The following TFAP2D variants were observed in gnomAD, a reference collection of about 807,000 sequenced individuals.
TFAP2D encodes the protein transcription factor AP-2-delta.
TFAP2D carries 9 observed loss-of-function variants against 43.6 expected under a neutral mutation model. The observed-to-expected ratio is 0.21, with a 90% CI of 0.12 to 0.36. TFAP2D has a LOEUF of 0.36. Among genes scored for constraint, TFAP2D ranks in the 10% least tolerant of loss-of-function variants. TFAP2D has a pLI of 1.00. For synonymous variants in TFAP2D, 256 were observed against 224.9 expected (o/e 1.14, Z -1.24); for missense variants, 513 against 561.4 (o/e 0.91, Z 0.87).
At chr6:50,761,544 G>C (rs1434330275) in intron 7 of TFAP2D, among the ~76,000 whole-genome samples, 1 of 152,028 alleles carries the variant, frequency 6.6e-6, no homozygotes, top group Non-Finnish European at 1.5e-5. Flanking sequence ...TTAGTAGGTA[G>C]AAAGGTGCTG....
At chr6:50,765,291 C>T (rs756291315) in intron 7 of TFAP2D, among the ~76,000 whole-genome samples, 2 of 152,158 alleles carry the variant, frequency 1.3e-5, no homozygotes, top group Non-Finnish European at 2.9e-5. Flanking sequence ...ATTTTATATA[C>T]ATCTTGACTA....
intron 7 of TFAP2D, among the ~76,000 whole-genome samples, chr6:50,755,601 T>A (rs957633805): frequency 6.6e-6 from 1 of 151,972 alleles, no homozygotes; most frequent in Non-Finnish European, 1.5e-5. Context: ...CTATAAGCTT[T>A]TTTTCCCCCT....
At chr6:50,741,535 G>T (rs1413455075) in intron 5 of TFAP2D, among the ~76,000 whole-genome samples, 3 of 152,076 alleles carry the variant, frequency 2.0e-5, no homozygotes, top group Non-Finnish European at 4.4e-5. Context: ...AGGACATGTG[G>T]TATTTGATTT....
chr6:50,722,774 G>A (rs955014018), intron 3 of TFAP2D, among the ~76,000 whole-genome samples: 9 of 151,786 alleles, frequency 5.9e-5, no homozygotes, highest in Admixed American at 5.2e-4. Context: ...TGACATTTTG[G>A]CCCTGGTCTG....
At position 50,771,936 on chromosome 6, in the gene TFAP2D, T is replaced by C. The variant is rs552054469; in HGVS notation, c.1140-709T>C. Among the ~76,000 whole-genome samples the C allele has an allele frequency of 2.0e-5, 3 of 152,258 alleles. No homozygotes were observed. In the East Asian group the frequency reaches 5.8e-4, roughly 29 times the overall value. On this transcript the variant is annotated intron_variant, in intron 7 of 7. Coordinates refer to ENST00000008391, the MANE Select transcript of TFAP2D (RefSeq NM_172238.4). ...TAAATCATGCTGCTATAACGACACA[T>C]GCACACGTATGTTTATTGCGGCACT... is the stretch of plus-strand genomic sequence containing the variant.
chr6:50,721,747 A>G (rs927566311), intron 3 of TFAP2D, among the ~76,000 whole-genome samples: 2 of 152,130 alleles, frequency 1.3e-5, no homozygotes, highest in East Asian at 3.9e-4. Flanking sequence ...TTGACCCACC[A>G]CATGAAACAT....
chr6:50,759,211 T>C (rs1295876980), intron 7 of TFAP2D, among the ~76,000 whole-genome samples: 1 of 152,128 alleles, frequency 6.6e-6, no homozygotes, highest in Non-Finnish European at 1.5e-5. Flanking sequence ...TGTTGAGCTA[T>C]TGACTGGAGA....
intron 6 of TFAP2D, among the ~76,000 whole-genome samples, chr6:50,746,958 G>T (rs1365416902): frequency 6.6e-6 from 1 of 152,128 alleles, no homozygotes; most frequent in Non-Finnish European, 1.5e-5. Flanking sequence ...AAGATTAAGA[G>T]GAAGGGAATA....
At chr6:50,752,107 T>G (rs1302542908) in intron 7 of TFAP2D, among the ~76,000 whole-genome samples, 1 of 152,050 alleles carries the variant, frequency 6.6e-6, no homozygotes, top group South Asian at 2.1e-4. Context: ...AATTAGAAAC[T>G]GCAAATGGTT....
chr6:50,719,179 C>G, intron 3 of TFAP2D, 29 bp downstream of exon 3: 1 of 1,603,560 alleles, frequency 6.2e-7, no homozygotes, highest in Non-Finnish European at 8.5e-7. Context: ...CATGTTAACC[C>G]TAGACATTCT....
intron 5 of TFAP2D, among the ~76,000 whole-genome samples, chr6:50,735,581 T>G (rs1019048106): frequency 3.3e-5 from 5 of 152,168 alleles, no homozygotes; most frequent in African/African-American, 1.2e-4. Flanking sequence ...TAATTATCAA[T>G]AGTATCCATT....
intron 7 of TFAP2D, among the ~76,000 whole-genome samples, chr6:50,770,296 T>C (rs1443073753): frequency 6.6e-6 from 1 of 152,234 alleles, no homozygotes; most frequent in East Asian, 1.9e-4. Context: ...TGCAAGACCT[T>C]GTAGCAGAGG....
At chr6:50,766,237 C>A (rs1016090023) in intron 7 of TFAP2D, among the ~76,000 whole-genome samples, 5 of 152,058 alleles carry the variant, frequency 3.3e-5, no homozygotes, top group Non-Finnish European at 7.4e-5. Context: ...TGTTTTTATG[C>A]CAGTACTATA....
intron 7 of TFAP2D, among the ~76,000 whole-genome samples, chr6:50,752,156 G>A (rs542986888): frequency 6.6e-6 from 1 of 151,766 alleles, no homozygotes; most frequent in South Asian, 2.1e-4. Flanking sequence ...ATGTATTATT[G>A]GAGTCATATG....
chr6:50,733,616 C>A (rs2114041243), intron 5 of TFAP2D, among the ~76,000 whole-genome samples: 1 of 152,192 alleles, frequency 6.6e-6, no homozygotes, highest in East Asian at 1.9e-4. Flanking sequence ...GTTTATTATT[C>A]TTGAATTGGC....
intron 7 of TFAP2D, among the ~76,000 whole-genome samples, chr6:50,764,038 C>T (rs1041789653): frequency 4.6e-5 from 7 of 152,108 alleles, no homozygotes; most frequent in African/African-American, 1.7e-4. Context: ...ATGTGTTAGA[C>T]TAATTAAATA....
chr6:50,732,063 G>A (rs553500069), intron 5 of TFAP2D, among the ~76,000 whole-genome samples: 14 of 152,036 alleles, frequency 9.2e-5, no homozygotes, highest in African/African-American at 2.7e-4. Flanking sequence ...TGGATTGACC[G>A]TGTTTTTGAG....
At chr6:50,752,131 A>G (rs181870548) in intron 7 of TFAP2D, among the ~76,000 whole-genome samples, 40 of 152,072 alleles carry the variant, frequency 2.6e-4, no homozygotes, top group African/African-American at 8.9e-4. Context: ...AAGTTAGACC[A>G]CACAAGAGCA....
At chr6:50,722,729 G>A in intron 3 of TFAP2D, among the ~76,000 whole-genome samples, 1 of 151,894 alleles carries the variant, frequency 6.6e-6, no homozygotes, top group Non-Finnish European at 1.5e-5. Flanking sequence ...TGGGCTAGAT[G>A]AGAAGACCTA....
Sources: gnomAD v4.1 joint callset for allele counts (sites outside exome capture counted in the v4.1 genomes callset) on GRCh38, gnomAD v4.1.1 for gene constraint, MANE v1.5 for transcripts, NCBI Gene and HGNC (gene_info 2026-07-23, HGNC 2026-07-21) for gene names.